The following HSPD1 variants were observed in gnomAD, a reference collection of about 807,000 sequenced individuals.
The protein encoded by HSPD1 is 60 kDa heat shock protein, mitochondrial.
HSPD1 carries 3 observed loss-of-function variants against 53.0 expected under a neutral mutation model. The observed-to-expected ratio is 0.06, with a 90% CI of 0.03 to 0.15. The LOEUF (loss-of-function observed/expected upper bound fraction) is 0.15, where lower values mean the gene tolerates loss of function less well. Ranked by LOEUF, HSPD1 falls within the 10% of genes least tolerant of loss-of-function variation. The pLI is 1.00. For missense variants in HSPD1, 431 were observed against 694.1 expected (o/e 0.62, Z 4.26); for synonymous variants, 200 against 228.0 (o/e 0.88, Z 1.10).
chr2:197,493,063 C>G (rs2086114128), intron 7 of HSPD1, among the ~76,000 whole-genome samples: 1 of 150,716 alleles, frequency 6.6e-6, no homozygotes. Flanking sequence ...TAAACACTTG[C>G]AAAATACAGA....
chr2:197,493,249 A>G (rs1465243459), intron 7 of HSPD1, 75 bp downstream of exon 7: 2 of 1,280,788 alleles, frequency 1.6e-6, no homozygotes, highest in African/African-American at 2.9e-5. Context: ...CACATGATGG[A>G]AACTGCAAAC....
chr2:197,491,985 G>A (rs1004929950), intron 7 of HSPD1, among the ~76,000 whole-genome samples: 11 of 152,046 alleles, frequency 7.2e-5, no homozygotes, highest in Admixed American at 2.0e-4. Context: ...TTGAGACCTC[G>A]TCTCTACAAA....
rs1344230758 is a variant in HSPD1 at position 197,492,487 on chromosome 2, G to A, written c.869+837C>T. On this transcript the variant is annotated intron_variant, in intron 7 of 11. Coordinates refer to ENST00000388968, the MANE Select transcript of HSPD1 (RefSeq NM_002156.5). ...TTATAGCTGTGAGCCACCATGCCTG[G>A]CTCTGAGTTATTTGGAAGTTAGTTG... 5.3e-5 allele frequency among the ~76,000 whole-genome samples: 8 copies of A among 152,160 alleles called. No homozygotes were observed. In the East Asian group the frequency reaches 1.6e-3, roughly 30 times the overall value.
At chr2:197,495,489 A>G (rs13432424) in intron 3 of HSPD1, 113 bp from the exon 4 acceptor site, 1 of 411,310 alleles carries the variant, frequency 2.4e-6, no homozygotes, top group African/African-American at 2.1e-5. Flanking sequence ...AAAAAAAAAA[A>G]TTTTTTTTTT....
rs2086031665 is a variant in HSPD1 at position 197,486,858 on chromosome 2, T to G, written c.*188A>C. On this transcript the variant is annotated 3_prime_UTR_variant, in exon 12 of 12. Coordinates refer to ENST00000388968, the MANE Select transcript of HSPD1 (RefSeq NM_002156.5). Reference sequence around the variant, plus strand: ...ATACAAAATAAATTATCTGTAGGCATGGACAATGACAGCAGTAAACCATTA... The same window carrying G: ...ATACAAAATAAATTATCTGTAGGCAGGGACAATGACAGCAGTAAACCATTA... 1.7e-6 allele frequency: 1 copy of G among 594,822 alleles called. No homozygotes were observed. Among genetic ancestry groups the G allele is most frequent in the South Asian group, 2.0e-5 (1 of 49,794 alleles). The allele number at this position is 594,822 out of a possible 1,614,324, so 36.8% of individuals were successfully genotyped here.
Position 197,489,101 on chromosome 2 carries a change from T to C in HSPD1, c.1116A>G (p.Gln372=), listed in dbSNP as rs1272138586. 1.2e-6 allele frequency: 2 copies of C among 1,613,946 alleles called. No individual in the cohort carries two copies. Among genetic ancestry groups the C allele is most frequent in the Non-Finnish European group, 1.7e-6 (2 of 1,179,916 alleles). ...GDKAQIEKRI[Q]EIIEQLDVTT... is the part of the protein sequence containing the mutation. ...TGACATCTAACTGCTCAATGATTTC[T>C]TGAATACGTTTTTCAATTTGAGCCT... Residue 372 remains glutamine (Q), a synonymous_variant, in exon 9 of 12, where the codon CAA becomes CAG. Coordinates refer to ENST00000388968, the MANE Select transcript of HSPD1 (RefSeq NM_002156.5).
At chr2:197,497,550 T>C in intron 2 of HSPD1, 158 bp from the exon 3 acceptor site, 1 of 700,996 alleles carries the variant, frequency 1.4e-6, no homozygotes. Flanking sequence ...GGCAAGTTTA[T>C]CGACATTCTT....
intron 2 of HSPD1, 58 bp from the exon 3 acceptor site, chr2:197,497,450 A>C (rs1302439005): frequency 6.4e-7 from 1 of 1,557,940 alleles, no homozygotes; most frequent in Non-Finnish European, 8.9e-7. Flanking sequence ...TACATTTTTA[A>C]AAATGAGCAG....
intron 9 of HSPD1, 46 bp downstream of exon 9, chr2:197,488,956 C>A: frequency 6.2e-7 from 1 of 1,607,234 alleles, no homozygotes. Context: ...CAAAATCATT[C>A]TTGGACTCAG....
chr2:197,496,138 C>T (rs576009807), intron 3 of HSPD1, among the ~76,000 whole-genome samples: 1 of 152,228 alleles, frequency 6.6e-6, no homozygotes, highest in African/African-American at 2.4e-5. Context: ...ATCTGAAATC[C>T]CCTCAATTTA....
chr2:197,490,559 G>A, intron 7 of HSPD1: 1 of 430,156 alleles, frequency 2.3e-6, no homozygotes, highest in Non-Finnish European at 4.3e-6. Flanking sequence ...GGCCGGGCGT[G>A]GTGACTCAGG....
Position 197,498,686 on chromosome 2 carries a change from T to A in HSPD1, c.163A>T (p.Met55Leu). Reference sequence around the variant, plus strand: ...AAAAATACTGGTACCTTTGGCCCCATTGTAACGGCCACAGCATCGGCTAAA... The same window carrying A: ...AAAAATACTGGTACCTTTGGCCCCAATGTAACGGCCACAGCATCGGCTAAA... ...DLLADAVAVT[M>L]GPKGRTVIIE... Residue 55 changes from methionine (M) to leucine (L), a missense_variant, in exon 2 of 12, where the codon ATG becomes TTG. Physicochemically the swap from Met to Leu is conservative, Grantham distance 15. This residue lies in a region of HSPD1 where 386 missense variants were observed against 657.6 expected (regional missense o/e 0.59). Coordinates refer to ENST00000388968, the MANE Select transcript of HSPD1 (RefSeq NM_002156.5). 6.2e-7 allele frequency: 1 copy of A among 1,614,000 alleles called. No homozygotes were observed. Among genetic ancestry groups the A allele is most frequent in the African/African-American group, 1.3e-5 (1 of 75,050 alleles).
At chr2:197,498,103 G>A (rs563362303) in intron 2 of HSPD1, among the ~76,000 whole-genome samples, 1 of 152,328 alleles carries the variant, frequency 6.6e-6, no homozygotes, top group African/African-American at 2.4e-5. Flanking sequence ...TCTTGGGGTG[G>A]AGGAGAGAAT....
At chr2:197,490,113 T>G in intron 8 of HSPD1, 84 bp downstream of exon 8, 1 of 994,410 alleles carries the variant, frequency 1.0e-6, no homozygotes, top group South Asian at 1.3e-5. Flanking sequence ...AGTTGTAGTA[T>G]CTAATTGTGA....
intron 9 of HSPD1, 117 bp from the exon 10 acceptor site, chr2:197,488,608 C>T (rs1024004943): frequency 4.3e-6 from 4 of 935,818 alleles, no homozygotes; most frequent in Admixed American, 1.7e-5. Flanking sequence ...GTGGCTCACA[C>T]CTGTAATCCT....
chr2:197,498,419 C>T (rs975599487), intron 2 of HSPD1, among the ~76,000 whole-genome samples: 59 of 152,168 alleles, frequency 3.9e-4, no homozygotes, highest in Admixed American at 1.3e-4. Flanking sequence ...GTTTAAGAAT[C>T]CACCTTGAGC....
In HSPD1 at chr2:197,495,490, T is replaced by A. The variant is rs570841720; in HGVS notation, c.428-114A>T. 3,567 of 277,982 alleles carry A rather than the reference T, an allele frequency of 0.013. 4 individuals carry two copies. The highest frequency in any genetic ancestry group is 0.036 in the South Asian group (632 of 17,718). 17.2% of individuals were successfully genotyped at this position (277,982 alleles called of 1,614,324 possible). ...TAATGCCTTAACTTAAAAAAAAAAATTTTTTTTTTTTTTGAGACAGGGTCT... is the reference window on the plus strand; with the variant it reads ...TAATGCCTTAACTTAAAAAAAAAAAATTTTTTTTTTTTTGAGACAGGGTCT... On this transcript the variant is annotated intron_variant, in intron 3 of 11. Coordinates refer to ENST00000388968, the MANE Select transcript of HSPD1 (RefSeq NM_002156.5).
In HSPD1 at chr2:197,498,681, C is replaced by T. The variant is rs1311484037; in HGVS notation, c.168G>A (p.Gly56=). ...AAAATAAAAATACTGGTACCTTTGG[C>T]CCCATTGTAACGGCCACAGCATCGG... ...LLADAVAVTM[G]PKGRTVIIEQ... The change falls in exon 2 of 12, where the codon GGG becomes GGA. Residue 56 remains glycine (G), a synonymous_variant. Coordinates refer to ENST00000388968, the MANE Select transcript of HSPD1 (RefSeq NM_002156.5). 1 of 1,613,674 alleles carries T rather than the reference C, an allele frequency of 6.2e-7. No individual in the cohort carries two copies. Among genetic ancestry groups the T allele is most frequent in the East Asian group, 2.2e-5 (1 of 44,892 alleles).
intron 3 of HSPD1, among the ~76,000 whole-genome samples, chr2:197,495,597 T>A (rs950983413): frequency 5.3e-5 from 8 of 151,936 alleles, no homozygotes; most frequent in African/African-American, 1.7e-4. Context: ...AGGGAGTAGC[T>A]GAGACCACAG....
Sources: allele counts gnomAD v4.1 joint callset (sites outside exome capture counted in the v4.1 genomes callset), GRCh38; gene constraint gnomAD v4.1.1; regional missense constraint gnomAD v4.1.1; transcripts MANE v1.5; gene names NCBI Gene and HGNC (gene_info 2026-07-23, HGNC 2026-07-21).